Variants in COL5A1 observed in about 807,000 individuals in gnomAD.
COL5A1 encodes collagen type V alpha 1 chain.
A neutral mutation model predicts 263.7 loss-of-function variants in COL5A1; 16 were observed. That is an observed-to-expected ratio of 0.06 (90% CI 0.04 to 0.09). COL5A1 has a LOEUF of 0.09. Ranked by LOEUF, COL5A1 falls within the 10% of genes least tolerant of loss-of-function variation. The pLI, the probability that COL5A1 is intolerant of heterozygous loss-of-function variation, is 1.00. For synonymous variants in COL5A1, 1,012 were observed against 1,004.5 expected (o/e 1.01, Z -0.14); for missense variants, 2,036 against 2,540.5 (o/e 0.80, Z 4.27).
intron 2 of COL5A1, among the ~76,000 whole-genome samples, chr9:134,693,820 T>C (rs1158275910): frequency 6.6e-6 from 1 of 152,204 alleles, no homozygotes; most frequent in African/African-American, 2.4e-5. Context: ...TGAGAAGTGC[T>C]CAGTGTGTAG....
At chr9:134,839,504 T>C (rs916225737) in intron 65 of COL5A1, among the ~76,000 whole-genome samples, 1 of 152,138 alleles carries the variant, frequency 6.6e-6, no homozygotes, top group Non-Finnish European at 1.5e-5. Flanking sequence ...ACTGCTGAGA[T>C]GAACTGCTTG....
rs757531928 is a variant in COL5A1, at chr9:134,784,971, C to T, written c.2485-18C>T. Reference sequence around the variant, plus strand: ...GTGCGGGGGGTGGTCTTCTCACCTCCTCTTTTCTGGCTTGCAGGGGGAGAT... The same window carrying T: ...GTGCGGGGGGTGGTCTTCTCACCTCTTCTTTTCTGGCTTGCAGGGGGAGAT... On this transcript the variant is annotated intron_variant, in intron 29 of 65. Transcript: ENST00000371817. The T allele has an allele frequency of 7.7e-6, 12 of 1,552,462 alleles. No individual in the cohort carries two copies. Among genetic ancestry groups the T allele is most frequent in the Non-Finnish European group, 1.1e-5 (12 of 1,128,210 alleles).
At chr9:134,815,057 A>G (rs1052854691) in intron 50 of COL5A1, among the ~76,000 whole-genome samples, 153 bp downstream of exon 50, 1 of 152,234 alleles carries the variant, frequency 6.6e-6, no homozygotes, top group African/African-American at 2.4e-5. Context: ...AGAGGTTTTC[A>G]TACCAGCTAC....
Position 134,805,349 on chromosome 9 carries a change from A to G in COL5A1, c.3258+135A>G, listed in dbSNP as rs573603332. The G allele has an allele frequency of 7.5e-5, 81 of 1,072,990 alleles. No individual in the cohort carries two copies. The East Asian group carries it at 1.8e-3, about 24-fold the overall frequency. The allele number at this position is 1,072,990 out of a possible 1,614,324, so 66.5% of individuals were successfully genotyped here. A position where few individuals can be genotyped will look rare whatever the true frequency, so the allele number is the denominator to read the frequency against. On this transcript the variant is annotated intron_variant, in intron 41 of 65. Coordinates refer to ENST00000371817, the MANE Select transcript of COL5A1 (RefSeq NM_000093.5). ...CTGGGGAGGATGTGGAGGGGGGAAA[A>G]TGGCCTTCAGGGAGATGCGGACGGC...
Position 134,818,461 on chromosome 9 carries a change from T to G in COL5A1, c.4231-195T>G, listed in dbSNP as rs192041286. Among the ~76,000 whole-genome samples, 744 of 152,270 alleles carry G rather than the reference T, an allele frequency of 4.9e-3. 3 individuals carry two copies. The highest frequency in any genetic ancestry group is 0.02 in the Middle Eastern group (6 of 294). On this transcript the variant is annotated intron_variant, in intron 54 of 65. Transcript: ENST00000371817. The surrounding 1 kb of genome is among the most constrained non-coding windows in gnomAD (Gnocchi z 6.0). ...AGCGGAGACGGGATCCCTGCTGGCCTGGGAGATGATCGGGATGGAGACTTG... is the reference window on the plus strand; with the variant it reads ...AGCGGAGACGGGATCCCTGCTGGCCGGGGAGATGATCGGGATGGAGACTTG...
chr9:134,833,132 C>G (rs1839712126), intron 64 of COL5A1, among the ~76,000 whole-genome samples: 1 of 152,220 alleles, frequency 6.6e-6, no homozygotes, highest in Non-Finnish European at 1.5e-5. Flanking sequence ...CCCTGCCCAG[C>G]CAGGCCTTCC....
In COL5A1 at chr9:134,750,762, C is replaced by T. The variant is rs562617566; in HGVS notation, c.1570-28C>T. The T allele has an allele frequency of 6.2e-6, 10 of 1,611,688 alleles. No homozygotes were observed. The Admixed American group carries it at 1.0e-4, about 16-fold the overall frequency. On this transcript the variant is annotated intron_variant, in intron 12 of 65. Coordinates refer to ENST00000371817, the MANE Select transcript of COL5A1 (RefSeq NM_000093.5). Reference sequence around the variant, plus strand: ...TGCCTGGGTGCCACGTCACTGCTCCCAGAGTGACCCTTGTCTTACACTTGC... The same window carrying T: ...TGCCTGGGTGCCACGTCACTGCTCCTAGAGTGACCCTTGTCTTACACTTGC...
chr9:134,771,761 C>T (rs1836873085), intron 25 of COL5A1, among the ~76,000 whole-genome samples: 1 of 152,184 alleles, frequency 6.6e-6, no homozygotes, highest in South Asian at 2.1e-4. Flanking sequence ...AAGTGACCTG[C>T]CCAAGCTCAC....
At position 134,647,141 on chromosome 9, in the gene COL5A1, G is replaced by A. The variant is rs1221105557; in HGVS notation, c.109+4845G>A. On this transcript the variant is annotated intron_variant, in intron 1 of 65. Coordinates refer to ENST00000371817, the MANE Select transcript of COL5A1 (RefSeq NM_000093.5). The surrounding 1 kb of genome is among the most constrained non-coding windows in gnomAD (Gnocchi z 5.0). ...CTCTTTAGCTCCCAGAAGCACAGGCGAGGGAGGTGTGCCTGTGTGGGGCCT... is the reference window on the plus strand; with the variant it reads ...CTCTTTAGCTCCCAGAAGCACAGGCAAGGGAGGTGTGCCTGTGTGGGGCCT... Among the ~76,000 whole-genome samples, 2 of 152,140 alleles carry A rather than the reference G, an allele frequency of 1.3e-5. No homozygotes were observed. The highest frequency in any genetic ancestry group is 2.4e-5 in the African/African-American group (1 of 41,428).
chr9:134,709,122 G>A (rs1266915671), intron 4 of COL5A1: 14 of 370,880 alleles, frequency 3.8e-5, no homozygotes, highest in Non-Finnish European at 7.6e-5. Flanking sequence ...GATTCTGGGA[G>A]TTCCGACCTG....
chr9:134,776,142 A>G (rs1837043677), intron 27 of COL5A1, among the ~76,000 whole-genome samples: 1 of 152,194 alleles, frequency 6.6e-6, no homozygotes, highest in Non-Finnish European at 1.5e-5. Context: ...GGTATTGAAG[A>G]GAGACCTCCC....
chr9:134,718,436 A>G (rs1036501471), intron 4 of COL5A1, among the ~76,000 whole-genome samples: 4 of 152,210 alleles, frequency 2.6e-5, no homozygotes, highest in Non-Finnish European at 5.9e-5. Context: ...AACAGCTGCC[A>G]CCTGCTTCTT....
At chr9:134,830,917 G>C (rs946116885) in intron 64 of COL5A1, among the ~76,000 whole-genome samples, 1 of 152,218 alleles carries the variant, frequency 6.6e-6, no homozygotes, top group African/African-American at 2.4e-5. Flanking sequence ...CTGGAATGAA[G>C]AGCAGAGTTC....
intron 34 of COL5A1, 96 bp downstream of exon 34, chr9:134,795,411 T>TTAAA: frequency 9.8e-7 from 1 of 1,022,906 alleles, no homozygotes; most frequent in Non-Finnish European, 1.4e-6. Flanking sequence ...ACCTTTTTTA[T>TTAAA]TAAAAAAAAA....
chr9:134,720,525 G>C (rs1178722571), intron 4 of COL5A1, among the ~76,000 whole-genome samples: 3 of 152,246 alleles, frequency 2.0e-5, no homozygotes, highest in Non-Finnish European at 4.4e-5. Context: ...GTGTGCGCCA[G>C]ATTATGGCGG....
At chr9:134,703,145 G>C (rs1382034082) in intron 4 of COL5A1, among the ~76,000 whole-genome samples, 1 of 152,230 alleles carries the variant, frequency 6.6e-6, no homozygotes. Context: ...CGTGCAGTTG[G>C]CTCTGGGTCA....
intron 11 of COL5A1, among the ~76,000 whole-genome samples, chr9:134,743,019 C>T (rs1044368418): frequency 3.9e-5 from 6 of 152,208 alleles, no homozygotes; most frequent in Admixed American, 1.3e-4. Context: ...CACCTCTGTG[C>T]TGCTTGTGAG....
chr9:134,643,562 G>A (rs1360420154), intron 1 of COL5A1, among the ~76,000 whole-genome samples: 1 of 152,194 alleles, frequency 6.6e-6, no homozygotes, highest in Admixed American at 6.5e-5. Flanking sequence ...TGTGGGGGCT[G>A]CCCTGGGGCT....
chr9:134,797,639 C>T (rs1320245152), intron 36 of COL5A1, among the ~76,000 whole-genome samples: 3 of 152,162 alleles, frequency 2.0e-5, no homozygotes, highest in Non-Finnish European at 4.4e-5. Flanking sequence ...TGCGCCACCA[C>T]ACCCAGCTAA....
Sources: gnomAD v4.1 joint callset for allele counts (sites outside exome capture counted in the v4.1 genomes callset) on GRCh38, gnomAD v4.1.1 for gene constraint, Gnocchi (gnomAD v3.1) non-coding constraint, MANE v1.5 for transcripts, NCBI Gene and HGNC (gene_info 2026-07-23, HGNC 2026-07-21) for gene names.